Variants in TOGARAM1 observed in about 807,000 individuals in gnomAD.
TOGARAM1 encodes the protein TOG array regulator of axonemal microtubules protein 1.
Under a neutral mutation model 166.6 loss-of-function variants are expected in TOGARAM1, and 100 were observed. The observed-to-expected ratio is 0.60, with a 90% CI of 0.51 to 0.71. The LOEUF is 0.71. Ranked by LOEUF, TOGARAM1 falls within the 30% of genes least tolerant of loss-of-function variation. The probability of loss-of-function intolerance (pLI) is 0.00; values close to 1 mark genes in which losing one functional copy is unlikely to be tolerated. For synonymous variants in TOGARAM1, 758 were observed against 763.8 expected, an observed-to-expected ratio of 0.99 and a Z score of 0.13; for missense variants, 2,029 against 2,102.7, an observed-to-expected ratio of 0.96 and a Z score of 0.69.
chr14:44,992,679 G>A (rs1334634445), intron 1 of TOGARAM1, among the ~76,000 whole-genome samples: 2 of 143,444 alleles, frequency 1.4e-5, no homozygotes, highest in South Asian at 2.2e-4. Flanking sequence ...GTGCAGTGGC[G>A]CGATCCTGGC....
At chr14:45,005,886 C>G in intron 4 of TOGARAM1, 122 bp from the exon 5 acceptor site, 1 of 710,690 alleles carries the variant, frequency 1.4e-6, no homozygotes, top group Non-Finnish European at 2.2e-6. Context: ...TTGTTCTCCC[C>G]AGTGACCAGC....
At chr14:44,979,440 C>G (rs1283183920) in intron 1 of TOGARAM1, among the ~76,000 whole-genome samples, 2 of 152,248 alleles carry the variant, frequency 1.3e-5, no homozygotes, top group Non-Finnish European at 2.9e-5. Context: ...GCACTAATCC[C>G]ATACTTGAGG....
intron 11 of TOGARAM1, 22 bp downstream of exon 11, chr14:45,032,398 T>C (rs752618337): frequency 6.3e-7 from 1 of 1,598,900 alleles, no homozygotes; most frequent in Non-Finnish European, 8.5e-7. Flanking sequence ...ATCCTTAACT[T>C]AAAACTAAGC....
At chr14:45,002,546 C>T (rs1412425154) in intron 3 of TOGARAM1, among the ~76,000 whole-genome samples, 2 of 152,156 alleles carry the variant, frequency 1.3e-5, no homozygotes, top group Admixed American at 1.3e-4. Flanking sequence ...GGATGCAAAA[C>T]AATATAGATG....
At chr14:45,070,075 G>C (rs994181372) in intron 18 of TOGARAM1, among the ~76,000 whole-genome samples, 37 of 152,032 alleles carry the variant, frequency 2.4e-4, no homozygotes, top group African/African-American at 8.5e-4. Context: ...CCAGCTACTT[G>C]GGAGGCTGAG....
chr14:45,009,182 C>G, intron 6 of TOGARAM1, 37 bp downstream of exon 6: 2 of 1,478,726 alleles, frequency 1.4e-6, no homozygotes, highest in Non-Finnish European at 9.4e-7. Context: ...GAATGTTCCT[C>G]TGTAATTAGT....
chr14:45,022,167 G>A (rs1880555525), intron 7 of TOGARAM1, among the ~76,000 whole-genome samples: 1 of 151,902 alleles, frequency 6.6e-6, no homozygotes, highest in East Asian at 1.9e-4. Context: ...TGCCTTGAAA[G>A]CAGGGCCATT....
intron 11 of TOGARAM1, among the ~76,000 whole-genome samples, chr14:45,041,505 G>A (rs1309851780): frequency 5.9e-5 from 9 of 152,196 alleles, no homozygotes; most frequent in Admixed American, 2.0e-4. Context: ...CTTCTAGAAC[G>A]TTGAATAAGA....
intron 3 of TOGARAM1, 142 bp from the exon 4 acceptor site, chr14:45,003,919 A>G (rs1465727323): frequency 3.5e-6 from 2 of 565,160 alleles, no homozygotes; most frequent in African/African-American, 3.7e-5. Flanking sequence ...CACAAATTAA[A>G]TTAGTCCTTT....
At position 44,962,661 on chromosome 14, in the gene TOGARAM1, C is replaced by T. The variant is rs1463672870; in HGVS notation, c.240C>T (p.Ser80=). 6.2e-7 allele frequency: 1 copy of T among 1,614,174 alleles called. No homozygotes were observed. Residue 80 remains serine (S), a synonymous_variant, in exon 1 of 20, where the codon AGC becomes AGT. Transcript: ENST00000361462. ...TGATGCCCTCGGAGGCAGTCTCAAGCAGCTGGTCTGAGTCTGGAGGCGGTT... is the reference window on the plus strand; with the variant it reads ...TGATGCCCTCGGAGGCAGTCTCAAGTAGCTGGTCTGAGTCTGGAGGCGGTT... ...ALLMPSEAVS[S]SWSESGGGLS...
chr14:44,977,450 A>G (rs1886264413), intron 1 of TOGARAM1, among the ~76,000 whole-genome samples: 1 of 150,608 alleles, frequency 6.6e-6, no homozygotes, highest in Non-Finnish European at 1.5e-5. Context: ...GTTAGCTGGG[A>G]TGGTCTTGAT....
intron 2 of TOGARAM1, chr14:44,996,634 TC>T (rs1307441938): frequency 6.6e-6 from 1 of 152,276 alleles, no homozygotes; most frequent in Non-Finnish European, 1.5e-5. Context: ...AGTGTATTAG[TC>T]TGTTTTCACA....
chr14:45,063,241 T>G (rs1397187548), intron 16 of TOGARAM1, among the ~76,000 whole-genome samples: 1 of 152,230 alleles, frequency 6.6e-6, no homozygotes, highest in Non-Finnish European at 1.5e-5. Context: ...TGTTTATCTA[T>G]TCATCAGTTT....
intron 1 of TOGARAM1, among the ~76,000 whole-genome samples, chr14:44,966,310 T>C (rs1473675262): frequency 1.3e-5 from 2 of 149,858 alleles, no homozygotes; most frequent in Non-Finnish European, 3.0e-5. Flanking sequence ...CCGTCTCTAC[T>C]AAAAATACAA....
chr14:45,059,655 C>CA lies in TOGARAM1; in HGVS notation c.4559+5114dup, dbSNP rs550915617. 6.8e-5 allele frequency among the ~76,000 whole-genome samples: 10 copies of CA among 147,984 alleles called. No individual in the cohort carries two copies. In the South Asian group the frequency reaches 8.5e-4, roughly 13 times the overall value. ...TGGGCGACAGAGCGAGACTCTGTCT[C>CA]AAAAAAAACAAAACAAAACAAAACA... On this transcript the variant is annotated intron_variant, in intron 16 of 19. Transcript: ENST00000361462.
At chr14:44,965,219 C>T (rs1178898459) in intron 1 of TOGARAM1, among the ~76,000 whole-genome samples, 2 of 152,154 alleles carry the variant, frequency 1.3e-5, no homozygotes, top group East Asian at 3.8e-4. Context: ...CTAAGAATGA[C>T]ATTCTTCTTT....
chr14:45,030,271 T>C (rs1881084523), intron 10 of TOGARAM1, among the ~76,000 whole-genome samples: 1 of 152,176 alleles, frequency 6.6e-6, no homozygotes, highest in African/African-American at 2.4e-5. Flanking sequence ...AATCTCAAGG[T>C]TGAAAATTTG....
intron 17 of TOGARAM1, among the ~76,000 whole-genome samples, chr14:45,068,037 G>A (rs909829240): frequency 1.3e-5 from 2 of 152,108 alleles, no homozygotes; most frequent in African/African-American, 4.8e-5. Flanking sequence ...TCTACTTCTA[G>A]TGTGAAAAGA....
intron 1 of TOGARAM1, among the ~76,000 whole-genome samples, chr14:44,989,087 G>C (rs1886999379): frequency 6.6e-6 from 1 of 152,182 alleles, no homozygotes; most frequent in Non-Finnish European, 1.5e-5. Flanking sequence ...CTACCATTTA[G>C]GGATAACACA....
Sources: allele counts gnomAD v4.1 joint callset (sites outside exome capture counted in the v4.1 genomes callset), GRCh38; gene constraint gnomAD v4.1.1; transcripts MANE v1.5; gene names NCBI Gene and HGNC (gene_info 2026-07-23, HGNC 2026-07-21).